Variants in GRAMD1B observed in about 807,000 individuals in gnomAD.
GRAMD1B encodes the protein protein Aster-B.
Under a neutral mutation model 99.7 loss-of-function variants are expected in GRAMD1B, and 37 were observed. That is an observed-to-expected ratio of 0.37 (90% CI 0.29 to 0.49). GRAMD1B has a LOEUF of 0.49. Ranked by LOEUF, GRAMD1B falls within the 20% of genes least tolerant of loss-of-function variation. The pLI, the probability that GRAMD1B is intolerant of heterozygous loss-of-function variation, is 0.98. For synonymous variants in GRAMD1B, 427 were observed against 387.6 expected, an observed-to-expected ratio of 1.10 and a Z score of -1.19; for missense variants, 888 against 1,009.2, an observed-to-expected ratio of 0.88 and a Z score of 1.63.
chr11:123,595,393 A>T lies in GRAMD1B; in HGVS notation c.874-549A>T, dbSNP rs191865961. On this transcript the variant is annotated intron_variant, in intron 6 of 19. Transcript: ENST00000635736. ...GCCCCTGCCCCCAGCCCCTGGGTTCAAGCGATTCTCCTGCCTCAGCCTCCC... is the reference window on the plus strand; with the variant it reads ...GCCCCTGCCCCCAGCCCCTGGGTTCTAGCGATTCTCCTGCCTCAGCCTCCC... 4.6e-3 allele frequency among the ~76,000 whole-genome samples: 703 copies of T among 152,064 alleles called. 6 individuals carry two copies. The highest frequency in any genetic ancestry group is 0.016 in the African/African-American group (676 of 41,494).
At chr11:123,599,534 A>G (rs1445109244) in intron 7 of GRAMD1B, 4 of 513,716 alleles carry the variant, frequency 7.8e-6, no homozygotes, top group African/African-American at 5.8e-5. Flanking sequence ...GTGCAGTAGC[A>G]CTATCTTGGC....
In GRAMD1B at chr11:123,610,369, G is replaced by A; in HGVS notation, c.1919+31G>A. On this transcript the variant is annotated intron_variant, in intron 14 of 19. Transcript: ENST00000635736. The surrounding 1 kb of genome is among the most constrained non-coding windows in gnomAD (Gnocchi z 4.1). ...GTGTGTGGAAGTCCCAGTGCGGTCA[G>A]ACGGGGGTCCTTACCTTAGAGAACA... 6.2e-7 allele frequency: 1 copy of A among 1,610,274 alleles called. No homozygotes were observed. The highest frequency in any genetic ancestry group is 8.5e-7 in the Non-Finnish European group (1 of 1,176,756).
At chr11:123,383,274 A>G (rs1230553478) in intron 1 of GRAMD1B, among the ~76,000 whole-genome samples, 1 of 151,566 alleles carries the variant, frequency 6.6e-6, no homozygotes, top group African/African-American at 2.4e-5. Flanking sequence ...TGTGGTAGGG[A>G]AGAACCTAGT....
intron 3 of GRAMD1B, among the ~76,000 whole-genome samples, chr11:123,582,139 G>A (rs1433703059): frequency 6.6e-6 from 1 of 152,264 alleles, no homozygotes; most frequent in Non-Finnish European, 1.5e-5. Context: ...GCAGCTCCCA[G>A]AGCGCACCTT....
chr11:123,368,557 G>C (rs145967023), intron 1 of GRAMD1B, among the ~76,000 whole-genome samples: 1 of 151,752 alleles, frequency 6.6e-6, no homozygotes, highest in African/African-American at 2.4e-5. Context: ...GTGTGTGCCT[G>C]TAATCCCAGC....
chr11:123,620,847 G>A (rs962503024), intron 19 of GRAMD1B, among the ~76,000 whole-genome samples: 6 of 152,174 alleles, frequency 3.9e-5, no homozygotes, highest in Non-Finnish European at 8.8e-5. Context: ...GTCCAGCAAT[G>A]GAACAGGCTA....
chr11:123,364,456 G>A (rs1946251784), intron 1 of GRAMD1B, among the ~76,000 whole-genome samples: 1 of 152,210 alleles, frequency 6.6e-6, no homozygotes, highest in Admixed American at 6.5e-5. Flanking sequence ...TCTATTAAGG[G>A]GAAGACAGAA....
chr11:123,619,357 C>A (rs565864881), intron 19 of GRAMD1B, 133 bp downstream of exon 19: 17 of 1,522,824 alleles, frequency 1.1e-5, no homozygotes, highest in Non-Finnish European at 1.5e-5. Flanking sequence ...TCCTCCAGGC[C>A]ATGCATTGTT....
At chr11:123,575,457 A>G (rs940926200) in intron 2 of GRAMD1B, among the ~76,000 whole-genome samples, 1 of 152,170 alleles carries the variant, frequency 6.6e-6, no homozygotes, top group Non-Finnish European at 1.5e-5. Flanking sequence ...AGCTGGGATT[A>G]CAGCTCATGC....
chr11:123,583,905 A>AC (rs1949749195), intron 3 of GRAMD1B, among the ~76,000 whole-genome samples: 1 of 152,050 alleles, frequency 6.6e-6, no homozygotes, highest in Non-Finnish European at 1.5e-5. Flanking sequence ...CCTGCCTTTT[A>AC]CAGGGGGCTG....
At chr11:123,417,335 T>G (rs1185966453) in intron 1 of GRAMD1B, among the ~76,000 whole-genome samples, 2 of 152,164 alleles carry the variant, frequency 1.3e-5, no homozygotes, top group Non-Finnish European at 2.9e-5. Flanking sequence ...ATCGCGCCAT[T>G]GCACTCTAGC....
At position 123,380,221 on chromosome 11, in the gene GRAMD1B, G is replaced by T. The variant is rs560748140; in HGVS notation, c.-176+21422G>T. Among the ~76,000 whole-genome samples the T allele has an allele frequency of 2.7e-3, 414 of 152,206 alleles. 3 individuals are homozygous for T. The highest frequency in any genetic ancestry group is 9.5e-3 in the African/African-American group (396 of 41,508). On this transcript the variant is annotated intron_variant, in intron 1 of 20. Transcript: ENST00000638157. ...CTCACCCTTTATTGCTTGTCCTTTT[G>T]GTGTCATAGCTAAGAAACCACTGCC... is the stretch of plus-strand genomic sequence containing the variant.
intron 1 of GRAMD1B, among the ~76,000 whole-genome samples, chr11:123,447,619 T>C (rs994829539): frequency 7.9e-5 from 12 of 152,198 alleles, no homozygotes; most frequent in African/African-American, 2.9e-4. Context: ...CTGGGCAGAT[T>C]ACTCACTCTC....
rs55643501 is a variant in GRAMD1B at position 123,462,890 on chromosome 11, T to TAAAAAAAA, written c.375-17926_375-17925insAAAAAAAA. ...CAAGAATTATCAATAAAAAAATAAATTAAAAAAAAAAAAAAAAAAAAAGAA... is the reference window on the plus strand; with the variant it reads ...CAAGAATTATCAATAAAAAAATAAATAAAAAAAATAAAAAAAAAAAAAAAAAAAAAGAA... On this transcript the variant is annotated intron_variant, in intron 1 of 19. Transcript: ENST00000635736. Among the ~76,000 whole-genome samples the TAAAAAAAA allele has an allele frequency of 7.3e-5, 9 of 123,108 alleles. No individual in the cohort carries two copies. In the East Asian group the frequency reaches 1.2e-3, roughly 17 times the overall value. The allele number at this position is 123,108 out of a possible 152,430, so 80.8% of individuals were successfully genotyped here. A position where few individuals can be genotyped will look rare whatever the true frequency, so the allele number is the denominator to read the frequency against.
intron 2 of GRAMD1B, among the ~76,000 whole-genome samples, chr11:123,571,995 C>T (rs1222679381): frequency 6.6e-6 from 1 of 152,142 alleles, no homozygotes; most frequent in Non-Finnish European, 1.5e-5. Context: ...GAAGAATAGG[C>T]CTCTAGCTCT....
chr11:123,405,425 G>A (rs1947822510), intron 1 of GRAMD1B, among the ~76,000 whole-genome samples: 3 of 152,244 alleles, frequency 2.0e-5, no homozygotes, highest in Middle Eastern at 3.4e-3. Flanking sequence ...AGGGGCCAGC[G>A]GGAGATAAAG....
chr11:123,559,656 A>C, intron 2 of GRAMD1B: 1 of 985,052 alleles, frequency 1.0e-6, no homozygotes, highest in Non-Finnish European at 1.2e-6. Flanking sequence ...GCAGCTTAGA[A>C]TTAGAAGACC....
At chr11:123,360,522 T>C (rs377068195) in intron 1 of GRAMD1B, among the ~76,000 whole-genome samples, 1 of 152,210 alleles carries the variant, frequency 6.6e-6, no homozygotes, top group African/African-American at 2.4e-5. Context: ...TGTGGTAGTT[T>C]TAGTTTTTTC....
intron 2 of GRAMD1B, among the ~76,000 whole-genome samples, chr11:123,521,149 A>G (rs1384645018): frequency 1.3e-5 from 2 of 152,210 alleles, no homozygotes; most frequent in African/African-American, 4.8e-5. Flanking sequence ...ACATAATACC[A>G]TATAATTTTC....
Sources: allele counts gnomAD v4.1 joint callset (sites outside exome capture counted in the v4.1 genomes callset), GRCh38; gene constraint gnomAD v4.1.1; non-coding constraint Gnocchi (gnomAD v3.1); transcripts MANE v1.5; gene names NCBI Gene and HGNC (gene_info 2026-07-23, HGNC 2026-07-21).